Variants in EPYC observed in about 807,000 individuals in gnomAD.
The protein encoded by EPYC is epiphycan.
Under a neutral mutation model 30.1 loss-of-function variants are expected in EPYC, and 28 were observed. The observed-to-expected ratio is 0.93, with a 90% CI of 0.69 to 1.28. The LOEUF is 1.28. EPYC is among the 50% of genes most tolerant of loss of function. The pLI is 0.00. For missense variants in EPYC, 382 were observed against 383.5 expected (o/e 1.00, Z 0.03); for synonymous variants, 144 against 141.4 (o/e 1.02, Z -0.13).
intron 2 of EPYC, among the ~76,000 whole-genome samples, chr12:90,979,455 T>C (rs1042563186): frequency 2.0e-5 from 3 of 152,206 alleles, no homozygotes; most frequent in Non-Finnish European, 2.9e-5. Context: ...AACACAGGTA[T>C]ATTTTCAGAC....
intron 6 of EPYC, among the ~76,000 whole-genome samples, chr12:90,969,138 A>G (rs1565870169): frequency 6.6e-6 from 1 of 151,862 alleles, no homozygotes; most frequent in Non-Finnish European, 1.5e-5. Context: ...TATTCACAAA[A>G]TCCACAAGGG....
At chr12:91,001,185 T>C (rs1317620407) in intron 2 of EPYC, among the ~76,000 whole-genome samples, 1 of 151,992 alleles carries the variant, frequency 6.6e-6, no homozygotes, top group Non-Finnish European at 1.5e-5. Flanking sequence ...TTAAAATCTA[T>C]CACATTGTGA....
intron 3 of EPYC, among the ~76,000 whole-genome samples, chr12:90,974,029 TACACACACTCAC>T (rs986123887): frequency 4.9e-5 from 4 of 81,032 alleles, no homozygotes; most frequent in African/African-American, 1.3e-4. Flanking sequence ...TTTTCTGTCT[TACACACACTCAC>T]ACACACACAC....
intron 2 of EPYC, among the ~76,000 whole-genome samples, chr12:90,997,267 A>G (rs1877714789): frequency 6.6e-6 from 1 of 152,064 alleles, no homozygotes; most frequent in Non-Finnish European, 1.5e-5. Context: ...GTACAGGAAA[A>G]GTAAAAGTAA....
intron 5 of EPYC, among the ~76,000 whole-genome samples, chr12:90,971,018 A>G (rs1877030261): frequency 6.6e-6 from 1 of 152,188 alleles, no homozygotes; most frequent in Admixed American, 6.5e-5. Context: ...CTTCACATAG[A>G]AAACAAAATC....
chr12:90,978,264 T>TG lies in EPYC; in HGVS notation c.166-3dup. The TG allele has an allele frequency of 7.0e-7, 1 of 1,435,430 alleles. No individual in the cohort carries two copies. Among genetic ancestry groups the TG allele is most frequent in the Non-Finnish European group, 9.1e-7 (1 of 1,100,136 alleles). The allele number at this position is 1,435,430 out of a possible 1,614,324, so 88.9% of individuals were successfully genotyped here. On this transcript the variant is annotated splice_polypyrimidine_tract_variant and splice_region_variant and intron_variant, in intron 2 of 6. Transcript: ENST00000261172. The stretch of plus-strand genomic sequence containing the variant: ...AGGCATCACTGTGGCTATTTCAATC[T>TG]GAAAAAAAAAAAAAAAAGAGAATTT...
At chr12:90,970,284 T>C (rs574676812) in intron 5 of EPYC, 145 bp from the exon 6 acceptor site, 5 of 614,880 alleles carry the variant, frequency 8.1e-6, no homozygotes, top group Non-Finnish European at 1.4e-5. Flanking sequence ...TTTTGTAAAG[T>C]TGAGGCAGCT....
chr12:90,992,843 A>G (rs1246309525), intron 2 of EPYC, among the ~76,000 whole-genome samples: 2 of 152,112 alleles, frequency 1.3e-5, no homozygotes, highest in Admixed American at 1.3e-4. Context: ...GGATCTGAGT[A>G]TTTGCATTCG....
chr12:90,969,859 C>T (rs181041694), intron 6 of EPYC, among the ~76,000 whole-genome samples, 185 bp downstream of exon 6: 12 of 152,058 alleles, frequency 7.9e-5, no homozygotes, highest in Non-Finnish European at 1.3e-4. Context: ...ATAGATAGAG[C>T]TATGAATGTA....
chr12:90,964,119 T>G lies in EPYC; in HGVS notation c.*37A>C, dbSNP rs1345830489. The G allele has an allele frequency of 2.5e-6, 4 of 1,575,382 alleles. No individual in the cohort carries two copies. Among genetic ancestry groups the G allele is most frequent in the Non-Finnish European group, 3.5e-6 (4 of 1,151,622 alleles). On this transcript the variant is annotated 3_prime_UTR_variant, in exon 7 of 7. Transcript: ENST00000261172. ...GAAGAGAGCAGTAAGAATGGTTTATTTATAGTAGCCATCGTAATGCTAACC... is the reference window on the plus strand; with the variant it reads ...GAAGAGAGCAGTAAGAATGGTTTATGTATAGTAGCCATCGTAATGCTAACC...
intron 6 of EPYC, among the ~76,000 whole-genome samples, chr12:90,965,514 A>G (rs868084275): frequency 1.3e-5 from 2 of 152,140 alleles, no homozygotes; most frequent in Non-Finnish European, 2.9e-5. Flanking sequence ...ATCTTAACCA[A>G]TGCTTCTAAT....
rs140084607 is a variant in EPYC at position 90,971,907 on chromosome 12, G to T, written c.595C>A (p.Arg199Ser). 2.7e-4 allele frequency: 432 copies of T among 1,611,642 alleles called. 1 individual carries two copies. The African/African-American group carries it at 3.7e-3, about 14-fold the overall frequency. Residue 199 changes from arginine (R) to serine (S), a missense_variant, in exon 5 of 7, where the codon CGT becomes AGT. Coordinates refer to ENST00000261172, the MANE Select transcript of EPYC (RefSeq NM_004950.5). ...KLPQLRELVL[R>S]DNKIRQLPEL... ...GGGAGCTGCCTTATTTTGTTGTCAC[G>T]CAGGACAAGCTCTCGAAGTTGAGGC...
At chr12:90,981,479 A>C (rs1877323749) in intron 2 of EPYC, among the ~76,000 whole-genome samples, 1 of 152,164 alleles carries the variant, frequency 6.6e-6, no homozygotes, top group Admixed American at 6.6e-5. Flanking sequence ...ATTTTCTGAT[A>C]ATCACCATTG....
At chr12:90,983,102 A>G (rs1877359299) in intron 2 of EPYC, among the ~76,000 whole-genome samples, 1 of 152,128 alleles carries the variant, frequency 6.6e-6, no homozygotes, top group South Asian at 2.1e-4. Flanking sequence ...TACATTCCCA[A>G]CAAAGTATGC....
At chr12:90,975,546 AT>A (rs1478300894) in intron 3 of EPYC, among the ~76,000 whole-genome samples, 2 of 151,978 alleles carry the variant, frequency 1.3e-5, no homozygotes, top group Non-Finnish European at 2.9e-5. Context: ...AGAAACAAAA[AT>A]TTTCTTTAAA....
chr12:90,996,957 A>G (rs531589086), intron 2 of EPYC, among the ~76,000 whole-genome samples: 1 of 152,202 alleles, frequency 6.6e-6, no homozygotes, highest in Non-Finnish European at 1.5e-5. Flanking sequence ...AGGCAAAGTT[A>G]TATGAAACCA....
intron 2 of EPYC, among the ~76,000 whole-genome samples, chr12:90,990,268 G>T (rs377671066): frequency 1.8e-4 from 28 of 152,054 alleles, no homozygotes; most frequent in African/African-American, 6.5e-4. Flanking sequence ...ATAAATCCAT[G>T]CCTTTTAATT....
chr12:90,978,088 C>T lies in EPYC; in HGVS notation c.340G>A (p.Asp114Asn). 1 of 1,558,626 alleles carries T rather than the reference C, an allele frequency of 6.4e-7. No individual in the cohort carries two copies. The change falls in exon 3 of 7, where the codon GAC (aspartate) becomes AAC (asparagine). Residue 114 changes from aspartate to asparagine, a missense_variant and splice_region_variant. Transcript: ENST00000261172. ...GTAATTCTGCTTTGAGGTACCTGAC[C>T]TTCATTTGTGTGTGGCCCCAGAACC... is the stretch of plus-strand genomic sequence containing the variant. ...TGVLGPHTNE[D>N]FPTCLLCTCI...
At chr12:90,980,562 T>C (rs755685840) in intron 2 of EPYC, among the ~76,000 whole-genome samples, 1 of 152,120 alleles carries the variant, frequency 6.6e-6, no homozygotes, top group African/African-American at 2.4e-5. Flanking sequence ...TGATATGAAG[T>C]TATGAGGCAA....
Sources: allele counts gnomAD v4.1 joint callset (sites outside exome capture counted in the v4.1 genomes callset), GRCh38; gene constraint gnomAD v4.1.1; transcripts MANE v1.5; gene names NCBI Gene and HGNC (gene_info 2026-07-23, HGNC 2026-07-21).